CRB1: variants seen among roughly 807,000 people sequenced by gnomAD.
The protein encoded by CRB1 is crumbs cell polarity complex component 1.
In CRB1, 83 loss-of-function variants were observed where a neutral mutation model predicts 120.0. The observed-to-expected ratio is 0.69, with a 90% CI of 0.58 to 0.83. The LOEUF (loss-of-function observed/expected upper bound fraction) is 0.83. Among genes scored for constraint, CRB1 ranks in the 40% least tolerant of loss-of-function variants. The pLI, the probability that CRB1 is intolerant of heterozygous loss-of-function variation, is 0.00. For synonymous variants in CRB1, 625 were observed against 612.5 expected (o/e 1.02, Z -0.30); for missense variants, 1,699 against 1,687.6 (o/e 1.01, Z -0.12).
At chr1:197,372,644 A>G (rs934341530) in intron 5 of CRB1, among the ~76,000 whole-genome samples, 7 of 152,064 alleles carry the variant, frequency 4.6e-5, no homozygotes, top group African/African-American at 1.7e-4. Flanking sequence ...CTGAAATCTC[A>G]GTGCTTTGGG....
At chr1:197,465,502 T>A (rs1666714627) in intron 11 of CRB1, among the ~76,000 whole-genome samples, 1 of 152,234 alleles carries the variant, frequency 6.6e-6, no homozygotes. Context: ...ACTATTTCAA[T>A]AAATCCTCAT....
At chr1:197,304,488 G>T in intron 1 of CRB1, 1 of 629,472 alleles carries the variant, frequency 1.6e-6, no homozygotes, top group Middle Eastern at 8.2e-4. Context: ...TAAAGTTAGA[G>T]GAGTTTATTT....
chr1:197,422,388 G>A (rs191535136), intron 6 of CRB1, among the ~76,000 whole-genome samples: 8 of 150,968 alleles, frequency 5.3e-5, no homozygotes, highest in Non-Finnish European at 7.4e-5. Context: ...GTAAATTCTC[G>A]GTAAATATTC....
chr1:197,246,599 A>C, the CRB1 span, among the ~76,000 whole-genome samples: 1 of 152,076 alleles, frequency 6.6e-6, no homozygotes, highest in Admixed American at 6.6e-5. Context: ...AAGAATGGGA[A>C]AAATATGTCT....
At chr1:197,288,857 C>T (rs1379963813) in intron 1 of CRB1, among the ~76,000 whole-genome samples, 1 of 150,786 alleles carries the variant, frequency 6.6e-6, no homozygotes, top group Non-Finnish European at 1.5e-5. Context: ...GACAACTTTA[C>T]AAAGTCTAAG....
At chr1:197,365,503 G>A (rs76525521) in intron 5 of CRB1, among the ~76,000 whole-genome samples, 18 of 152,154 alleles carry the variant, frequency 1.2e-4, no homozygotes, top group East Asian at 1.9e-4. Flanking sequence ...TCTGGGGAGG[G>A]GGGGAGAAGG....
chr1:197,367,867 C>T (rs960444962), intron 5 of CRB1, among the ~76,000 whole-genome samples: 1 of 152,172 alleles, frequency 6.6e-6, no homozygotes, highest in Non-Finnish European at 1.5e-5. Flanking sequence ...GGCTTCAAAC[C>T]TCGGGCAAAA....
chr1:197,272,421 T>C (rs1301304624), intron 1 of CRB1, among the ~76,000 whole-genome samples: 1 of 152,180 alleles, frequency 6.6e-6, no homozygotes, highest in Non-Finnish European at 1.5e-5. Context: ...TAGATACTTC[T>C]CTTAGCAAAA....
chr1:197,345,561 T>C (rs954583968), intron 3 of CRB1, among the ~76,000 whole-genome samples: 1 of 137,100 alleles, frequency 7.3e-6, no homozygotes, highest in African/African-American at 2.8e-5. Context: ...CAGGCTGGAG[T>C]GCAGTGGTGT....
chr1:197,453,802 T>C (rs6681986), intron 11 of CRB1, among the ~76,000 whole-genome samples: 131,420 of 142,000 alleles, frequency 0.93, 61,820 homozygotes, highest in Non-Finnish European at 1. Flanking sequence ...AATATATTAA[T>C]AATAATATAT....
intron 4 of CRB1, among the ~76,000 whole-genome samples, chr1:197,355,590 G>A (rs1439781450): frequency 6.6e-6 from 1 of 152,188 alleles, no homozygotes; most frequent in Non-Finnish European, 1.5e-5. Flanking sequence ...GCACTGGTGT[G>A]CTGGCACTGC....
the CRB1 span, among the ~76,000 whole-genome samples, chr1:197,260,699 A>T: frequency 3.5e-5 from 5 of 144,282 alleles, no homozygotes; most frequent in Admixed American, 1.4e-4. Context: ...CAACTAACTA[A>T]TTTTTTTTTT....
chr1:197,330,786 T>G (rs1415452158), intron 2 of CRB1, among the ~76,000 whole-genome samples: 1 of 74,852 alleles, frequency 1.3e-5, no homozygotes, highest in African/African-American at 4.6e-5. Context: ...ATATCTATGT[T>G]TTTGCACCCC....
chr1:197,438,624 A>T lies in CRB1; in HGVS notation c.3827A>T (p.Glu1276Val), dbSNP rs773698624. 1 of 1,613,022 alleles carries T rather than the reference A, an allele frequency of 6.2e-7. No individual in the cohort carries two copies. The highest frequency in any genetic ancestry group is 1.1e-5 in the South Asian group (1 of 91,076). ...LTCYNGGNCTEFQTELKCMCR... is the reference protein window; with the variant it reads ...LTCYNGGNCTVFQTELKCMCR... ...TGCTACAATGGAGGCAACTGCACAGAGTTCCAGACTGAATTAAAATGTATG... is the reference window on the plus strand; with the variant it reads ...TGCTACAATGGAGGCAACTGCACAGTGTTCCAGACTGAATTAAAATGTATG... The change falls in exon 10 of 12, where the codon GAG becomes GTG. Residue 1276 changes from glutamate to valine, a missense_variant. By Grantham distance (121) the Glu-to-Val change is moderately radical. Coordinates refer to ENST00000367400, the MANE Select transcript of CRB1 (RefSeq NM_201253.3).
intron 2 of CRB1, among the ~76,000 whole-genome samples, chr1:197,333,689 G>A (rs1658990766): frequency 6.6e-6 from 1 of 152,164 alleles, no homozygotes; most frequent in Admixed American, 6.5e-5. Context: ...GAATTTCCTT[G>A]CAGAAATAAA....
At position 197,356,999 on chromosome 1, in the gene CRB1, A is replaced by C. The variant is rs890180996; in HGVS notation, c.1157A>C (p.Gln386Pro). 1.2e-6 allele frequency: 2 copies of C among 1,614,092 alleles called. No individual in the cohort carries two copies. The highest frequency in any genetic ancestry group is 2.7e-5 in the African/African-American group (2 of 74,938). The change falls in exon 5 of 12, where the codon CAG becomes CCG. Residue 386 changes from glutamine to proline, a missense_variant. Gln to Pro is a moderately conservative substitution (Grantham distance 76). Coordinates refer to ENST00000367400, the MANE Select transcript of CRB1 (RefSeq NM_201253.3). Reference sequence around the variant, plus strand: ...GCCTCAGGTTATGTCTGTATCTGTCAGCCTGGATTCACAGGTGAGGCCAAG... The same window carrying C: ...GCCTCAGGTTATGTCTGTATCTGTCCGCCTGGATTCACAGGTGAGGCCAAG... Reference protein sequence around the residue: ...HEASGYVCICQPGFTGIHCEE... With the variant: ...HEASGYVCICPPGFTGIHCEE...
chr1:197,245,876 T>C, the CRB1 span, among the ~76,000 whole-genome samples: 1 of 152,196 alleles, frequency 6.6e-6, no homozygotes, highest in South Asian at 2.1e-4. Context: ...GATGTTTTTC[T>C]TGATGAGAGA....
chr1:197,396,803 A>G (rs1662795462), intron 5 of CRB1, among the ~76,000 whole-genome samples: 1 of 152,176 alleles, frequency 6.6e-6, no homozygotes, highest in Non-Finnish European at 1.5e-5. Flanking sequence ...ATACAATCAA[A>G]TGCAAAAACT....
At chr1:197,284,099 T>A (rs1436694397) in intron 1 of CRB1, among the ~76,000 whole-genome samples, 1 of 151,918 alleles carries the variant, frequency 6.6e-6, no homozygotes, top group Non-Finnish European at 1.5e-5. Context: ...ATAGGAGTGT[T>A]GTGAGGATTA....
Sources: gnomAD v4.1 joint callset for allele counts (sites outside exome capture counted in the v4.1 genomes callset) on GRCh38, gnomAD v4.1.1 for gene constraint, MANE v1.5 for transcripts, NCBI Gene and HGNC (gene_info 2026-07-23, HGNC 2026-07-21) for gene names.